Variants in EXOC4 observed in about 807,000 individuals in gnomAD.
EXOC4 encodes the protein exocyst complex component 4, also known as SEC8-like 1.
In EXOC4, 71 loss-of-function variants were observed where a neutral mutation model predicts 107.2. The ratio of observed to expected loss-of-function variants is 0.66; its 90% CI spans 0.55 to 0.81. The LOEUF is 0.81. Ranked by LOEUF, EXOC4 falls within the 30% of genes least tolerant of loss-of-function variation. The probability of loss-of-function intolerance (pLI) is 0.00; values close to 1 mark genes in which losing one functional copy is unlikely to be tolerated. For synonymous variants in EXOC4, 456 were observed against 441.2 expected (o/e 1.03, Z -0.42); for missense variants, 1,108 against 1,189.6 (o/e 0.93, Z 1.01).
intron 10 of EXOC4, among the ~76,000 whole-genome samples, chr7:133,763,444 TAAA>T (rs1796074000): frequency 6.6e-6 from 1 of 152,098 alleles, no homozygotes; most frequent in Non-Finnish European, 1.5e-5. Flanking sequence ...TTTGAAATCA[TAAA>T]AAATGAATTG....
rs140455988 is a variant in EXOC4 at position 133,656,415 on chromosome 7, A to G, written c.1514+26274A>G. ...TGTATATCTGTGTGTGTGTGTATAT[A>G]TATAACTGGAACAGTGAGAATCACT... On this transcript the variant is annotated intron_variant, in intron 10 of 17. Transcript: ENST00000253861. Among the ~76,000 whole-genome samples the G allele has an allele frequency of 1.6e-4, 25 of 152,286 alleles. No individual in the cohort carries two copies. In the East Asian group the frequency reaches 4.8e-3, roughly 29 times the overall value.
At chr7:133,621,555 T>C (rs1026389378) in intron 9 of EXOC4, among the ~76,000 whole-genome samples, 3 of 152,210 alleles carry the variant, frequency 2.0e-5, no homozygotes, top group African/African-American at 7.2e-5. Flanking sequence ...TGCTGTTCTT[T>C]TTACTTCAAA....
chr7:133,794,970 G>A (rs1197383643), intron 10 of EXOC4, among the ~76,000 whole-genome samples: 1 of 150,274 alleles, frequency 6.7e-6, no homozygotes, highest in Non-Finnish European at 1.5e-5. Context: ...AGGCCCCGGT[G>A]TGTGATGTTC....
At chr7:133,534,931 TC>T (rs1297061585) in intron 9 of EXOC4, among the ~76,000 whole-genome samples, 1 of 152,162 alleles carries the variant, frequency 6.6e-6, no homozygotes, top group African/African-American at 2.4e-5. Flanking sequence ...TGCTTACTTC[TC>T]AGTGATACTT....
chr7:133,589,961 C>G (rs760894106), intron 9 of EXOC4, among the ~76,000 whole-genome samples: 10 of 152,012 alleles, frequency 6.6e-5, no homozygotes, highest in Non-Finnish European at 1.3e-4. Flanking sequence ...ATTAGGCATG[C>G]GAACACATTT....
At chr7:134,072,370 G>A in the EXOC4 span, among the ~76,000 whole-genome samples, 1 of 152,208 alleles carries the variant, frequency 6.6e-6, no homozygotes, top group African/African-American at 2.4e-5. Context: ...CCTGGGTGGG[G>A]TTTTGCTGCT....
intron 10 of EXOC4, among the ~76,000 whole-genome samples, chr7:133,782,560 G>A (rs905667254): frequency 6.6e-6 from 1 of 152,188 alleles, no homozygotes; most frequent in Non-Finnish European, 1.5e-5. Context: ...CAAAGGATAA[G>A]TTTCAAATAA....
intron 11 of EXOC4, among the ~76,000 whole-genome samples, chr7:133,844,678 A>G (rs572959257): frequency 2.0e-5 from 3 of 152,112 alleles, no homozygotes; most frequent in South Asian, 4.2e-4. Context: ...CACACATTCT[A>G]TTCTTACCAG....
intron 3 of EXOC4, among the ~76,000 whole-genome samples, chr7:133,294,521 C>A (rs566258247): frequency 6.6e-6 from 1 of 152,160 alleles, no homozygotes; most frequent in African/African-American, 2.4e-5. Context: ...GTCTCTTAAT[C>A]ATTTTGTCTG....
At chr7:133,279,820 A>G (rs1385228479) in intron 2 of EXOC4, among the ~76,000 whole-genome samples, 1 of 152,152 alleles carries the variant, frequency 6.6e-6, no homozygotes, top group African/African-American at 2.4e-5. Context: ...TGCCTGGCCT[A>G]CATGTCTCAT....
intron 7 of EXOC4, among the ~76,000 whole-genome samples, chr7:133,456,890 C>T (rs900923953): frequency 6.6e-6 from 1 of 152,112 alleles, no homozygotes; most frequent in Non-Finnish European, 1.5e-5. Context: ...GATAACACTT[C>T]AGGATAATTT....
chr7:134,012,511 C>A (rs1469466170), intron 17 of EXOC4, among the ~76,000 whole-genome samples: 1 of 152,038 alleles, frequency 6.6e-6, no homozygotes, highest in Non-Finnish European at 1.5e-5. Context: ...GTGAACCAGA[C>A]CATAGGAGAG....
At chr7:133,537,541 C>T (rs1160477551) in intron 9 of EXOC4, among the ~76,000 whole-genome samples, 1 of 152,152 alleles carries the variant, frequency 6.6e-6, no homozygotes, top group Admixed American at 6.5e-5. Flanking sequence ...TAGAATACCA[C>T]CTGTACTCTA....
chr7:134,043,053 A>G (rs1795558089), intron 17 of EXOC4, among the ~76,000 whole-genome samples: 1 of 152,194 alleles, frequency 6.6e-6, no homozygotes, highest in Admixed American at 6.5e-5. Flanking sequence ...TCAGTCAATC[A>G]ATCAATATAA....
At chr7:133,725,967 G>T (rs972184323) in intron 10 of EXOC4, among the ~76,000 whole-genome samples, 1 of 152,210 alleles carries the variant, frequency 6.6e-6, no homozygotes, top group Non-Finnish European at 1.5e-5. Flanking sequence ...TGACAAAAAG[G>T]AGTTGCTATT....
intron 9 of EXOC4, among the ~76,000 whole-genome samples, chr7:133,614,789 CAAAAAAAAAA>C (rs35947572): frequency 1.9e-4 from 12 of 61,710 alleles, no homozygotes; most frequent in East Asian, 1.7e-3. Flanking sequence ...GTACATATGG[CAAAAAAAAAA>C]AAAAAAAAAA....
chr7:133,635,986 T>C (rs1802697617), intron 10 of EXOC4, among the ~76,000 whole-genome samples: 2 of 152,186 alleles, frequency 1.3e-5, no homozygotes, highest in Non-Finnish European at 2.9e-5. Flanking sequence ...CCTTTTAGCA[T>C]TGGAGCCCTA....
chr7:133,935,839 T>G (rs1800287380), intron 13 of EXOC4, among the ~76,000 whole-genome samples: 1 of 152,108 alleles, frequency 6.6e-6, no homozygotes, highest in African/African-American at 2.4e-5. Context: ...TACATGGGGG[T>G]TTGTTATACT....
intron 9 of EXOC4, among the ~76,000 whole-genome samples, chr7:133,550,041 T>A (rs1800555430): frequency 6.6e-6 from 1 of 152,250 alleles, no homozygotes; most frequent in African/African-American, 2.4e-5. Flanking sequence ...TTCTTATGAA[T>A]GAAATCTTCT....
Sources: allele counts gnomAD v4.1 joint callset (sites outside exome capture counted in the v4.1 genomes callset), GRCh38; gene constraint gnomAD v4.1.1; transcripts MANE v1.5; gene names NCBI Gene and HGNC (gene_info 2026-07-23, HGNC 2026-07-21).